Variants in ZFHX3 observed in about 807,000 individuals in gnomAD.
ZFHX3 encodes zinc finger homeobox 3.
Under a neutral mutation model 279.1 loss-of-function variants are expected in ZFHX3, and 42 were observed. That is an observed-to-expected ratio of 0.15 (90% confidence interval 0.12 to 0.19). The LOEUF (loss-of-function observed/expected upper bound fraction) is 0.19. Among genes scored for constraint, ZFHX3 ranks in the 10% least tolerant of loss-of-function variants. The pLI, the probability that ZFHX3 is intolerant of heterozygous loss-of-function variation, is 1.00. For missense variants in ZFHX3, 4,981 were observed against 4,754.0 expected, an observed-to-expected ratio of 1.05 and a Z score of -1.40; for synonymous variants, 2,293 against 1,957.8, an observed-to-expected ratio of 1.17 and a Z score of -4.52.
At chr16:72,954,724 A>C (rs543637722) in intron 2 of ZFHX3, among the ~76,000 whole-genome samples, 95 of 152,302 alleles carry the variant, frequency 6.2e-4, no homozygotes, top group Admixed American at 1.8e-3. Flanking sequence ...CAAGGCCTCA[A>C]ATCTAATGTG....
chr16:73,021,824 C>A (rs938727060), intron 1 of ZFHX3, among the ~76,000 whole-genome samples: 4 of 95,172 alleles, frequency 4.2e-5, no homozygotes, highest in Non-Finnish European at 2.1e-5. Context: ...AAGCGAGACT[C>A]CATCTCAAAA....
intron 2 of ZFHX3, among the ~76,000 whole-genome samples, chr16:73,470,179 G>C (rs1057481009): frequency 6.6e-6 from 1 of 152,178 alleles, no homozygotes; most frequent in Admixed American, 6.5e-5. Flanking sequence ...AACACACTCT[G>C]AGTAGCGAGT....
intron 4 of ZFHX3, among the ~76,000 whole-genome samples, chr16:73,310,239 C>A (rs2143161956): frequency 6.6e-6 from 1 of 152,178 alleles, no homozygotes; most frequent in South Asian, 2.1e-4. Context: ...GAGACAATGG[C>A]AAAACCATCT....
intron 1 of ZFHX3, among the ~76,000 whole-genome samples, chr16:73,731,781 C>T (rs2053571864): frequency 2.0e-5 from 3 of 152,118 alleles, no homozygotes; most frequent in Non-Finnish European, 4.4e-5. Flanking sequence ...CAAAACATTT[C>T]AGTAAGCAGG....
At chr16:72,827,058 G>A (rs897735879) in intron 5 of ZFHX3, among the ~76,000 whole-genome samples, 1 of 152,184 alleles carries the variant, frequency 6.6e-6, no homozygotes, top group East Asian at 1.9e-4. Context: ...ACATAGAGTA[G>A]GGACTTTGCA....
chr16:72,875,252 A>G (rs1273194118), intron 4 of ZFHX3, among the ~76,000 whole-genome samples: 2 of 152,252 alleles, frequency 1.3e-5, no homozygotes, highest in African/African-American at 4.8e-5. Context: ...TCCACCTGGA[A>G]CACAGCTCAC....
In ZFHX3 at chr16:72,785,040, A is replaced by AGTCT. The variant is rs1206170195; in HGVS notation, c.*2120_*2123dup. The AGTCT allele has an allele frequency of 2.0e-5, 3 of 152,586 alleles. No individual in the cohort carries two copies. The highest frequency in any genetic ancestry group is 6.6e-5 in the Admixed American group (1 of 15,240). 9.5% of individuals were successfully genotyped at this position (152,586 alleles called of 1,614,324 possible). Reference sequence around the variant, plus strand: ...GGTGACCAATGGAACCTGTATTCACAGTCTTCAAAGTTCCCTTTTGAAACA... The same window carrying AGTCT: ...GGTGACCAATGGAACCTGTATTCACAGTCTGTCTTCAAAGTTCCCTTTTGAAACA... On this transcript the variant is annotated 3_prime_UTR_variant, in exon 10 of 10. Coordinates refer to ENST00000268489, the MANE Select transcript of ZFHX3 (RefSeq NM_006885.4).
chr16:73,210,720 A>G (rs571479631), intron 5 of ZFHX3, among the ~76,000 whole-genome samples: 1 of 152,324 alleles, frequency 6.6e-6, no homozygotes, highest in African/African-American at 2.4e-5. Context: ...TTATAGTGTC[A>G]CAATTAATCC....
intron 4 of ZFHX3, among the ~76,000 whole-genome samples, chr16:72,852,151 T>G (rs1344783656): frequency 3.9e-5 from 6 of 151,948 alleles, no homozygotes; most frequent in Admixed American, 3.9e-4. Flanking sequence ...TTAACTACCT[T>G]CCACAATTCT....
chr16:73,439,661 T>C lies in ZFHX3; in HGVS notation c.-1291+16342A>G, dbSNP rs143318431. On this transcript the variant is annotated intron_variant, in intron 3 of 17. Coordinates refer to the ZFHX3 transcript ENST00000641206. ...GCCAGTCAGATTGCCTCCTGGAAAA[T>C]GGAGGCTGTTAGTCCACGTGGTCAT... is the stretch of plus-strand genomic sequence containing the variant. Among the ~76,000 whole-genome samples the C allele has an allele frequency of 4.1e-4, 62 of 151,938 alleles. 3 individuals carry two copies. The East Asian group carries it at 7.8e-3, about 19-fold the overall frequency.
chr16:73,786,422 C>G (rs958125056), intron 1 of ZFHX3, among the ~76,000 whole-genome samples: 4 of 152,042 alleles, frequency 2.6e-5, no homozygotes, highest in Admixed American at 2.6e-4. Context: ...CTGTTGGAAG[C>G]TCTGTGTTGT....
intron 4 of ZFHX3, among the ~76,000 whole-genome samples, chr16:73,302,795 T>C (rs1177233661): frequency 1.3e-5 from 2 of 152,216 alleles, no homozygotes; most frequent in African/African-American, 4.8e-5. Context: ...AGCATCCTCC[T>C]TGCTGTGGAG....
At chr16:73,644,227 G>T (rs767056131) in intron 2 of ZFHX3, among the ~76,000 whole-genome samples, 2 of 151,954 alleles carry the variant, frequency 1.3e-5, no homozygotes, top group Non-Finnish European at 1.5e-5. Flanking sequence ...GATGACTTCC[G>T]AGTCCTCCTT....
chr16:73,812,702 T>A (rs1487752449), intron 1 of ZFHX3: 1 of 152,204 alleles, frequency 6.6e-6, no homozygotes, highest in Non-Finnish European at 1.5e-5. Flanking sequence ...CCTCCTAGCA[T>A]AGCAGCCTAG....
intron 2 of ZFHX3, among the ~76,000 whole-genome samples, chr16:73,599,387 C>T (rs903665940): frequency 6.6e-6 from 1 of 152,238 alleles, no homozygotes; most frequent in Non-Finnish European, 1.5e-5. Context: ...ACATAATTTG[C>T]AAGGTCTGGT....
At chr16:73,077,462 C>G (rs1193969095) in intron 8 of ZFHX3, among the ~76,000 whole-genome samples, 2 of 151,486 alleles carry the variant, frequency 1.3e-5, no homozygotes, top group Non-Finnish European at 2.9e-5. Context: ...TCAGTCTTTC[C>G]ACGTTGTTAA....
At chr16:72,904,395 T>G (rs980413001) in intron 3 of ZFHX3, among the ~76,000 whole-genome samples, 2 of 150,298 alleles carry the variant, frequency 1.3e-5, no homozygotes, top group Non-Finnish European at 3.0e-5. Flanking sequence ...AATAAATAAA[T>G]AAATAAATAA....
chr16:73,789,770 T>C (rs766150282), intron 1 of ZFHX3, among the ~76,000 whole-genome samples: 5 of 152,092 alleles, frequency 3.3e-5, no homozygotes, highest in Non-Finnish European at 5.9e-5. Flanking sequence ...TCTCTCTCTC[T>C]CTTTCTAAAA....
intron 1 of ZFHX3, among the ~76,000 whole-genome samples, chr16:73,020,568 C>A (rs879317435): frequency 9.2e-5 from 14 of 152,206 alleles, no homozygotes; most frequent in Non-Finnish European, 1.9e-4. Context: ...CCCGGCCAGG[C>A]CCGTGGTGTT....
Sources: gnomAD v4.1 joint callset for allele counts (sites outside exome capture counted in the v4.1 genomes callset) on GRCh38, gnomAD v4.1.1 for gene constraint, MANE v1.5 for transcripts, NCBI Gene and HGNC (gene_info 2026-07-23, HGNC 2026-07-21) for gene names.